Variants in ICA1 observed in about 807,000 individuals in gnomAD.
The protein encoded by ICA1 is 69 kDa islet cell autoantigen.
A neutral mutation model predicts 71.0 loss-of-function variants in ICA1; 40 were observed. The observed-to-expected ratio is 0.56, with a 90% CI of 0.44 to 0.73. ICA1 has a LOEUF of 0.73. Ranked by LOEUF, ICA1 falls within the 30% of genes least tolerant of loss-of-function variation. ICA1 has a pLI of 0.00. For missense variants in ICA1, 578 were observed against 576.5 expected (o/e 1.00, Z -0.03); for synonymous variants, 207 against 209.5 (o/e 0.99, Z 0.10).
At chr7:8,125,042 G>A (rs1270912764) in intron 13 of ICA1, among the ~76,000 whole-genome samples, 2 of 152,112 alleles carry the variant, frequency 1.3e-5, no homozygotes, top group South Asian at 2.1e-4. Context: ...GCCCACCTCC[G>A]CCTCCTAAAG....
At chr7:8,161,113 C>T (rs1051411748) in intron 6 of ICA1, among the ~76,000 whole-genome samples, 16 of 152,092 alleles carry the variant, frequency 1.1e-4, no homozygotes, top group Admixed American at 9.8e-4. Context: ...TCATTCAACA[C>T]GTATTTACTG....
chr7:8,150,743 T>C (rs1211620828), intron 8 of ICA1, among the ~76,000 whole-genome samples: 1 of 152,202 alleles, frequency 6.6e-6, no homozygotes, highest in Non-Finnish European at 1.5e-5. Context: ...AAATCATGCT[T>C]TTTTGCCTAT....
chr7:8,207,338 G>A (rs1232846149), intron 6 of ICA1, among the ~76,000 whole-genome samples: 1 of 152,152 alleles, frequency 6.6e-6, no homozygotes, highest in Non-Finnish European at 1.5e-5. Flanking sequence ...ATACCAACAG[G>A]CTCTTAGGGT....
At chr7:8,167,260 C>T (rs539368469) in intron 6 of ICA1, among the ~76,000 whole-genome samples, 17 of 152,180 alleles carry the variant, frequency 1.1e-4, no homozygotes, top group South Asian at 2.1e-4. Flanking sequence ...AAGGAAAATG[C>T]GGTACATATG....
chr7:8,137,950 G>A (rs985971196), intron 12 of ICA1, among the ~76,000 whole-genome samples: 5 of 152,114 alleles, frequency 3.3e-5, no homozygotes, highest in Admixed American at 6.5e-5. Flanking sequence ...GGATAACTTC[G>A]GCCAGTCTGT....
At chr7:8,158,693 T>C (rs1802620105) in intron 6 of ICA1, 41 bp from the exon 7 acceptor site, 1 of 1,593,610 alleles carries the variant, frequency 6.3e-7, no homozygotes, top group African/African-American at 1.4e-5. Flanking sequence ...CCCTAACCCT[T>C]AAGTAGGTAA....
At chr7:8,224,148 A>G (rs905649636) in intron 4 of ICA1, among the ~76,000 whole-genome samples, 1 of 152,202 alleles carries the variant, frequency 6.6e-6, no homozygotes, top group Non-Finnish European at 1.5e-5. Flanking sequence ...GCAATGAGAG[A>G]TGGGGAGTTA....
chr7:8,143,812 C>A, intron 9 of ICA1, 63 bp downstream of exon 9: 1 of 1,077,056 alleles, frequency 9.3e-7, no homozygotes, highest in Non-Finnish European at 1.4e-6. Flanking sequence ...GTTCGGTCAG[C>A]GAGAACCACA....
chr7:8,225,406 T>G (rs1282529228), intron 4 of ICA1, among the ~76,000 whole-genome samples: 1 of 152,254 alleles, frequency 6.6e-6, no homozygotes, highest in Non-Finnish European at 1.5e-5. Flanking sequence ...TTTGCACCTG[T>G]GTCCTTTCAA....
chr7:8,224,205 C>T (rs1270997632), intron 4 of ICA1, among the ~76,000 whole-genome samples: 1 of 152,162 alleles, frequency 6.6e-6, no homozygotes, highest in African/African-American at 2.4e-5. Context: ...TCAGGGAAGG[C>T]ATCTCTGAGC....
At chr7:8,115,456 G>C (rs1439368404) in intron 13 of ICA1, among the ~76,000 whole-genome samples, 6 of 152,176 alleles carry the variant, frequency 3.9e-5, no homozygotes, top group Admixed American at 2.6e-4. Context: ...GACGACTCTA[G>C]TGAAAAGATG....
intron 12 of ICA1, among the ~76,000 whole-genome samples, chr7:8,134,481 T>G (rs929765359): frequency 6.6e-6 from 1 of 152,156 alleles, no homozygotes; most frequent in African/African-American, 2.4e-5. Context: ...GGCAGATAAA[T>G]GTCACTTAAT....
chr7:8,227,213 C>T (rs376473970), intron 4 of ICA1, among the ~76,000 whole-genome samples: 6 of 152,156 alleles, frequency 3.9e-5, no homozygotes, highest in East Asian at 3.9e-4. Context: ...AGAATCTGAT[C>T]GGGTTTAAAA....
Position 8,218,483 on chromosome 7 carries a change from A to G in ICA1, c.401T>C (p.Leu134Ser). The change falls in exon 6 of 14, where the codon TTG becomes TCG. Residue 134 changes from leucine to serine, a missense_variant. Leu to Ser is a moderately radical substitution (Grantham distance 145). Transcript: ENST00000402384. ...CTCCACTTCTTGGTGAAATCGACACAAAGGATTTCGTAAGGCCAACCTAGA... is the reference window on the plus strand; with the variant it reads ...CTCCACTTCTTGGTGAAATCGACACGAAGGATTTCGTAAGGCCAACCTAGA... Reference protein sequence around the residue: ...SQQRLALRNPLCRFHQEVETF... With the variant: ...SQQRLALRNPSCRFHQEVETF... 6.2e-7 allele frequency: 1 copy of G among 1,614,106 alleles called. No homozygotes were observed. Among genetic ancestry groups the G allele is most frequent in the Non-Finnish European group, 8.5e-7 (1 of 1,179,986 alleles).
At chr7:8,179,297 C>T (rs1781498351) in intron 6 of ICA1, among the ~76,000 whole-genome samples, 1 of 152,068 alleles carries the variant, frequency 6.6e-6, no homozygotes, top group African/African-American at 2.4e-5. Context: ...CCTATCCTAC[C>T]CAGTGTGGGG....
At chr7:8,205,707 T>C (rs576966886) in intron 6 of ICA1, among the ~76,000 whole-genome samples, 63 of 152,326 alleles carry the variant, frequency 4.1e-4, no homozygotes, top group Non-Finnish European at 6.0e-4. Context: ...TGGGTTTAGT[T>C]TGTAAGACCT....
intron 4 of ICA1, chr7:8,227,824 G>C (rs1207216774): frequency 9.0e-6 from 4 of 444,498 alleles, no homozygotes; most frequent in Non-Finnish European, 1.8e-5. Context: ...GGCTCCAAGT[G>C]ATCCTCCTGC....
intron 9 of ICA1, among the ~76,000 whole-genome samples, chr7:8,143,169 C>G (rs1442955847): frequency 1.3e-5 from 2 of 152,134 alleles, no homozygotes; most frequent in Non-Finnish European, 2.9e-5. Flanking sequence ...TATTATATCT[C>G]CATAGAAAAT....
intron 13 of ICA1, among the ~76,000 whole-genome samples, chr7:8,122,173 G>T (rs1361046026): frequency 6.6e-6 from 1 of 152,162 alleles, no homozygotes; most frequent in East Asian, 1.9e-4. Context: ...GGGGACAGAC[G>T]GGTGCACTGA....
Sources: allele counts gnomAD v4.1 joint callset (sites outside exome capture counted in the v4.1 genomes callset), GRCh38; gene constraint gnomAD v4.1.1; transcripts MANE v1.5; gene names NCBI Gene and HGNC (gene_info 2026-07-23, HGNC 2026-07-21).